The following FAM98B variants were observed in gnomAD, a reference collection of about 807,000 sequenced individuals.
FAM98B encodes the protein tRNA-splicing ligase complex subunit FAM98B.
FAM98B carries 32 observed loss-of-function variants against 43.9 expected under a neutral mutation model. The observed-to-expected ratio is 0.73, with a 90% CI of 0.55 to 0.98. The LOEUF (loss-of-function observed/expected upper bound fraction) is 0.98. FAM98B is among the 50% of genes least tolerant of loss of function. The pLI is 0.00. For missense variants in FAM98B, 514 were observed against 522.9 expected (o/e 0.98, Z 0.17); for synonymous variants, 190 against 174.0 (o/e 1.09, Z -0.72).
At chr15:38,459,629 G>A in intron 1 of FAM98B, 1 of 197,238 alleles carries the variant, frequency 5.1e-6, no homozygotes, top group Non-Finnish European at 1.0e-5. Context: ...TGGGCTTGCT[G>A]CAACTCCTGA....
intron 1 of FAM98B, among the ~76,000 whole-genome samples, chr15:38,461,000 T>G (rs922315633): frequency 2.6e-5 from 4 of 152,268 alleles, no homozygotes; most frequent in South Asian, 2.1e-4. Context: ...TCAGGTATGT[T>G]AAATGCATTT....
intron 1 of FAM98B, among the ~76,000 whole-genome samples, chr15:38,461,662 C>A (rs1889948292): frequency 6.6e-6 from 1 of 152,042 alleles, no homozygotes; most frequent in Non-Finnish European, 1.5e-5. Flanking sequence ...CTTGTACTTA[C>A]CCTTCATCTG....
chr15:38,484,189 A>T, intron 7 of FAM98B, 66 bp from the exon 8 acceptor site: 1 of 1,438,078 alleles, frequency 7.0e-7, no homozygotes, highest in South Asian at 1.2e-5. Flanking sequence ...AAACAACATC[A>T]CTTGAAACTT....
Position 38,485,104 on chromosome 15 carries a change from T to TG in FAM98B, c.*448dup, listed in dbSNP as rs952381716. On this transcript the variant is annotated 3_prime_UTR_variant, in exon 8 of 8. Transcript: ENST00000397609. ...CCTGTATTGCTGTGGATGTGTTTTG[T>TG]GGGTTTTTCATTCGATTTTACAAAA... 2 of 152,716 alleles carry TG rather than the reference T, an allele frequency of 1.3e-5. No homozygotes were observed. The highest frequency in any genetic ancestry group is 4.8e-5 in the African/African-American group (2 of 41,474). The allele number at this position is 152,716 out of a possible 1,614,324, so 9.5% of individuals were successfully genotyped here.
At chr15:38,463,491 A>AAAAATAAAAT (rs10682998) in intron 1 of FAM98B, among the ~76,000 whole-genome samples, 20,666 of 140,682 alleles carry the variant, frequency 0.15, 1,747 homozygotes, top group Non-Finnish European at 0.18. Flanking sequence ...ACCCTGCCTC[A>AAAAATAAAAT]AAAATAAAAT....
intron 3 of FAM98B, among the ~76,000 whole-genome samples, chr15:38,468,440 C>CTT (rs1890073729): frequency 6.6e-6 from 1 of 152,112 alleles, no homozygotes; most frequent in South Asian, 2.1e-4. Context: ...CCAGGTAGGT[C>CTT]TTAAACTCCT....
At chr15:38,481,684 G>T (rs960280944) in intron 7 of FAM98B, 2 of 1,339,078 alleles carry the variant, frequency 1.5e-6, no homozygotes, top group Admixed American at 2.8e-5. Flanking sequence ...GAGGAATTAT[G>T]AATTGTTTTT....
chr15:38,470,887 A>G (rs372202395), intron 4 of FAM98B, among the ~76,000 whole-genome samples: 1 of 152,066 alleles, frequency 6.6e-6, no homozygotes, highest in Non-Finnish European at 1.5e-5. Context: ...AGAATGTATT[A>G]ATTAGTACCC....
chr15:38,463,150 A>G (rs1306294672), intron 1 of FAM98B, among the ~76,000 whole-genome samples: 1 of 152,204 alleles, frequency 6.6e-6, no homozygotes, highest in Non-Finnish European at 1.5e-5. Flanking sequence ...TGTTTTGAAA[A>G]TTTAAGATTC....
At chr15:38,468,404 A>G (rs1295441341) in intron 3 of FAM98B, among the ~76,000 whole-genome samples, 2 of 151,898 alleles carry the variant, frequency 1.3e-5, no homozygotes, top group Admixed American at 6.6e-5. Flanking sequence ...TTTAAAAAAT[A>G]TTTTGTAAAG....
chr15:38,466,560 A>G (rs1409569428), intron 3 of FAM98B, among the ~76,000 whole-genome samples: 4 of 152,190 alleles, frequency 2.6e-5, no homozygotes, highest in Non-Finnish European at 5.9e-5. Context: ...AGGAATAAAA[A>G]AGAAATTTAA....
At chr15:38,464,965 C>A (rs1200461853) in intron 2 of FAM98B, among the ~76,000 whole-genome samples, 1 of 152,008 alleles carries the variant, frequency 6.6e-6, no homozygotes, top group Non-Finnish European at 1.5e-5. Context: ...AACACGACTG[C>A]CTACATAATT....
At chr15:38,483,332 G>C (rs1381005796) in intron 7 of FAM98B, 1 of 152,056 alleles carries the variant, frequency 6.6e-6, no homozygotes, top group Non-Finnish European at 1.5e-5. Flanking sequence ...AAAAAATTAA[G>C]CCTTTAAGTT....
chr15:38,486,743 T>C lies in FAM98B; in HGVS notation c.*2084T>C, dbSNP rs940797887. On this transcript the variant is annotated 3_prime_UTR_variant, in exon 8 of 8. Transcript: ENST00000397609. ...AGACTCTTAATATTTTACTCTTTCC[T>C]GTAAGGTGGGATTTTCCTGATAATC... 6 of 152,160 alleles carry C rather than the reference T, an allele frequency of 3.9e-5. No homozygotes were observed. The highest frequency in any genetic ancestry group is 1.4e-4 in the African/African-American group (6 of 41,450). The allele number at this position is 152,160 out of a possible 1,614,324, so 9.4% of individuals were successfully genotyped here. A position where few individuals can be genotyped will look rare whatever the true frequency, so the allele number is the denominator to read the frequency against.
intron 1 of FAM98B, chr15:38,459,248 TC>T (rs1226260547): frequency 4.2e-6 from 2 of 474,614 alleles, no homozygotes; most frequent in Non-Finnish European, 8.4e-6. Context: ...ACACAGATCC[TC>T]CTTTGATCTT....
intron 1 of FAM98B, among the ~76,000 whole-genome samples, chr15:38,463,113 C>T (rs1434889201): frequency 6.6e-6 from 1 of 152,140 alleles, no homozygotes; most frequent in Non-Finnish European, 1.5e-5. Flanking sequence ...AACTGATCAT[C>T]TAATTCAGTT....
chr15:38,468,682 C>T (rs776461591), intron 3 of FAM98B, among the ~76,000 whole-genome samples: 1 of 152,184 alleles, frequency 6.6e-6, no homozygotes, highest in Admixed American at 6.5e-5. Flanking sequence ...CAGTGACCCT[C>T]AATCTTGCCT....
chr15:38,466,595 T>C (rs1595798942), intron 3 of FAM98B, among the ~76,000 whole-genome samples: 2 of 152,248 alleles, frequency 1.3e-5, no homozygotes, highest in East Asian at 3.9e-4. Flanking sequence ...TTTTTTCTGA[T>C]TATAAAAATA....
chr15:38,481,225 ATGAT>A, intron 6 of FAM98B, 63 bp from the exon 7 acceptor site: 1 of 1,351,570 alleles, frequency 7.4e-7, no homozygotes, highest in African/African-American at 1.4e-5. Flanking sequence ...TCTAAAGATT[ATGAT>A]TGTTTTTGCT....
Sources: gnomAD v4.1 joint callset for allele counts (sites outside exome capture counted in the v4.1 genomes callset) on GRCh38, gnomAD v4.1.1 for gene constraint, MANE v1.5 for transcripts, NCBI Gene and HGNC (gene_info 2026-07-23, HGNC 2026-07-21) for gene names.